The following PARD3B variants were observed in gnomAD, a reference collection of about 807,000 sequenced individuals.
PARD3B encodes the protein partitioning defective 3 homolog B.
A neutral mutation model predicts 130.2 loss-of-function variants in PARD3B; 103 were observed. That is an observed-to-expected ratio of 0.79 (90% confidence interval 0.67 to 0.93). PARD3B has a LOEUF of 0.93. Ranked by LOEUF, PARD3B falls within the 40% of genes least tolerant of loss-of-function variation. The pLI is 0.00. For synonymous variants in PARD3B, 583 were observed against 553.2 expected (o/e 1.05, Z -0.76); for missense variants, 1,609 against 1,499.2 (o/e 1.07, Z -1.21).
At chr2:205,132,809 G>A (rs2032128939) in intron 10 of PARD3B, among the ~76,000 whole-genome samples, 1 of 152,124 alleles carries the variant, frequency 6.6e-6, no homozygotes, top group South Asian at 2.1e-4. Context: ...ACCTTGTAGG[G>A]TTGTGTGAGA....
At chr2:205,430,890 A>G (rs1465764088) in intron 19 of PARD3B, among the ~76,000 whole-genome samples, 1 of 152,220 alleles carries the variant, frequency 6.6e-6, no homozygotes, top group Admixed American at 6.5e-5. Flanking sequence ...GGCATTTGGG[A>G]AAATTTGTTT....
At chr2:205,184,635 G>A (rs1392739220) in intron 13 of PARD3B, among the ~76,000 whole-genome samples, 2 of 151,888 alleles carry the variant, frequency 1.3e-5, no homozygotes, top group Non-Finnish European at 2.9e-5. Context: ...CCAGCTATTC[G>A]GGAGGCTGAG....
At chr2:204,984,853 G>C (rs1326040501) in intron 3 of PARD3B, among the ~76,000 whole-genome samples, 7 of 152,108 alleles carry the variant, frequency 4.6e-5, no homozygotes, top group Non-Finnish European at 1.0e-4. Flanking sequence ...GGAATGTGAA[G>C]CAGTCCTGGA....
intron 3 of PARD3B, among the ~76,000 whole-genome samples, chr2:205,026,496 C>T (rs1020024687): frequency 6.6e-6 from 1 of 152,136 alleles, no homozygotes; most frequent in Middle Eastern, 3.2e-3. Context: ...TCAACACATT[C>T]ATCATCATCC....
intron 2 of PARD3B, among the ~76,000 whole-genome samples, chr2:204,742,447 A>G (rs933937827): frequency 3.3e-5 from 5 of 152,154 alleles, no homozygotes; most frequent in Admixed American, 6.6e-5. Context: ...GAAGGTGAGG[A>G]GAAAGGGATA....
intron 2 of PARD3B, among the ~76,000 whole-genome samples, chr2:204,843,977 A>G (rs988107369): frequency 6.6e-6 from 1 of 152,168 alleles, no homozygotes; most frequent in Non-Finnish European, 1.5e-5. Context: ...TTTGCTTATG[A>G]GTAATGGCAA....
chr2:205,469,554 T>A (rs2048752091), intron 20 of PARD3B, among the ~76,000 whole-genome samples: 11 of 152,294 alleles, frequency 7.2e-5, no homozygotes, highest in Middle Eastern at 3.4e-3. Flanking sequence ...CTTCAGAAGC[T>A]TCTTAAGGGG....
At chr2:204,559,856 C>T (rs925453347) in intron 1 of PARD3B, among the ~76,000 whole-genome samples, 5 of 152,134 alleles carry the variant, frequency 3.3e-5, no homozygotes, top group African/African-American at 1.2e-4. Flanking sequence ...TACTATGCAG[C>T]TGTAAAAAAG....
rs2046961969 is a variant in PARD3B at position 205,421,227 on chromosome 2, C to T, written c.2742-19143C>T. 1.3e-5 allele frequency among the ~76,000 whole-genome samples: 2 copies of T among 152,102 alleles called. No homozygotes were observed. Among genetic ancestry groups the T allele is most frequent in the South Asian group, 4.2e-4 (2 of 4,818 alleles). On this transcript the variant is annotated intron_variant, in intron 19 of 22. Coordinates refer to ENST00000406610, the MANE Select transcript of PARD3B (RefSeq NM_001302769.2). The surrounding 1 kb of genome is among the most constrained non-coding windows in gnomAD (Gnocchi z 5.1). ...ATATCTTTGTTTAGGAAAGAAAGGC[C>T]TAACATCATCTGTTTTAGACTCACT... is the stretch of plus-strand genomic sequence containing the variant.
chr2:204,577,779 G>T (rs1219793897), intron 1 of PARD3B, among the ~76,000 whole-genome samples: 1 of 151,796 alleles, frequency 6.6e-6, no homozygotes, highest in Non-Finnish European at 1.5e-5. Context: ...TGTTTCTCAT[G>T]CTGGTCTCAA....
At chr2:205,313,281 C>T (rs934996378) in intron 18 of PARD3B, among the ~76,000 whole-genome samples, 1 of 152,114 alleles carries the variant, frequency 6.6e-6, no homozygotes, top group African/African-American at 2.4e-5. Flanking sequence ...GATGAGCTGC[C>T]GTGGCACCCA....
At chr2:205,029,835 G>T (rs763698166) in intron 3 of PARD3B, among the ~76,000 whole-genome samples, 3 of 152,116 alleles carry the variant, frequency 2.0e-5, no homozygotes, top group Non-Finnish European at 4.4e-5. Flanking sequence ...TGTATTACCA[G>T]ACAGAACCCT....
At position 205,291,645 on chromosome 2, in the gene PARD3B, T is replaced by C. The variant is rs529506450; in HGVS notation, c.2186-8885T>C. Among the ~76,000 whole-genome samples, 6 of 152,328 alleles carry C rather than the reference T, an allele frequency of 3.9e-5. 1 individual carries two copies. In the South Asian group the frequency reaches 1.2e-3, roughly 32 times the overall value. On this transcript the variant is annotated intron_variant, in intron 16 of 22. Coordinates refer to ENST00000406610, the MANE Select transcript of PARD3B (RefSeq NM_001302769.2). This position sits in a 1 kb window ranked among gnomAD's most constrained non-coding sequence, Gnocchi z 4.6. ...ATTGTAGATAGTTTGTTTGAACCCA[T>C]AGGCACAGCCTGGCTTTTTCTGACT...
At chr2:204,815,392 G>C (rs966834959) in intron 2 of PARD3B, among the ~76,000 whole-genome samples, 1 of 151,670 alleles carries the variant, frequency 6.6e-6, no homozygotes, top group African/African-American at 2.4e-5. Flanking sequence ...TCCTGTTATT[G>C]GTAATTTTTG....
chr2:204,893,616 A>T (rs1056261733), intron 2 of PARD3B, among the ~76,000 whole-genome samples: 1 of 152,230 alleles, frequency 6.6e-6, no homozygotes, highest in Non-Finnish European at 1.5e-5. Flanking sequence ...TTAATAGCAT[A>T]GTTTATTTAA....
intron 2 of PARD3B, among the ~76,000 whole-genome samples, chr2:204,792,933 T>C (rs1039197073): frequency 6.6e-6 from 1 of 152,032 alleles, no homozygotes; most frequent in Admixed American, 6.6e-5. Context: ...GTTCATCACC[T>C]GAATCTTTTA....
At chr2:205,595,483 T>C (rs1285509993) in intron 22 of PARD3B, among the ~76,000 whole-genome samples, 1 of 152,252 alleles carries the variant, frequency 6.6e-6, no homozygotes, top group Non-Finnish European at 1.5e-5. Context: ...ATATTTGCTT[T>C]TCTATGATAA....
rs564779318 is a variant in PARD3B at position 204,574,442 on chromosome 2, T to G, written c.120+28323T>G. On this transcript the variant is annotated intron_variant, in intron 1 of 22. Transcript: ENST00000406610. ...CTCCTTTGGGCAATTTGAATGTTCT[T>G]CTATTATGTAGATACTTAACATCTG... 2.6e-5 allele frequency among the ~76,000 whole-genome samples: 4 copies of G among 152,356 alleles called. No homozygotes were observed. The South Asian group carries it at 6.2e-4, about 24-fold the overall frequency.
chr2:204,728,601 A>G (rs1000509269), intron 2 of PARD3B, among the ~76,000 whole-genome samples: 3 of 66,954 alleles, frequency 4.5e-5, no homozygotes, highest in African/African-American at 1.1e-4. Flanking sequence ...GTTGCAAAGC[A>G]TGCTCACTTG....
Sources: gnomAD v4.1 joint callset for allele counts (sites outside exome capture counted in the v4.1 genomes callset) on GRCh38, gnomAD v4.1.1 for gene constraint, Gnocchi (gnomAD v3.1) non-coding constraint, MANE v1.5 for transcripts, NCBI Gene and HGNC (gene_info 2026-07-23, HGNC 2026-07-21) for gene names.